Variants in ATXN7 observed in about 807,000 individuals in gnomAD.
The protein encoded by ATXN7 is ataxin 7, also known as ataxin-7.
In ATXN7, 12 loss-of-function variants were observed where a neutral mutation model predicts 70.5. That is an observed-to-expected ratio of 0.17 (90% CI 0.11 to 0.28). ATXN7 has a LOEUF of 0.28. Ranked by LOEUF, ATXN7 falls within the 10% of genes least tolerant of loss-of-function variation. The probability of loss-of-function intolerance (pLI) is 1.00; values close to 1 mark genes in which losing one functional copy is unlikely to be tolerated. For synonymous variants in ATXN7, 498 were observed against 448.7 expected, an observed-to-expected ratio of 1.11 and a Z score of -1.39; for missense variants, 1,256 against 1,131.7, an observed-to-expected ratio of 1.11 and a Z score of -1.58.
chr3:63,878,053 C>T (rs1702796741), intron 1 of ATXN7, among the ~76,000 whole-genome samples: 1 of 152,150 alleles, frequency 6.6e-6, no homozygotes, highest in Non-Finnish European at 1.5e-5. Context: ...AGATTTATCT[C>T]AGGATGAAAG....
In ATXN7 at chr3:64,000,320, G is replaced by A. The variant is rs571752248; in HGVS notation, c.*853G>A. On this transcript the variant is annotated 3_prime_UTR_variant, in exon 13 of 13. Transcript: ENST00000674280. ...AGTGAGGAAGTTAAAATCACTATAG[G>A]GAGAAAAAACTTTTTTCAAGATTTC... The A allele has an allele frequency of 6.6e-5, 10 of 152,060 alleles. No individual in the cohort carries two copies. Among genetic ancestry groups the A allele is most frequent in the African/African-American group, 2.4e-4 (10 of 41,336 alleles). 9.4% of individuals were successfully genotyped at this position (152,060 alleles called of 1,614,324 possible). A position where few individuals can be genotyped will look rare whatever the true frequency, so the allele number is the denominator to read the frequency against.
intron 1 of ATXN7, among the ~76,000 whole-genome samples, chr3:63,876,869 T>C (rs568784691): frequency 9.5e-4 from 144 of 152,358 alleles, no homozygotes; most frequent in African/African-American, 3.4e-3. Flanking sequence ...TATGATATCA[T>C]CTGCATGGCG....
chr3:63,988,933 C>T (rs1316058465), intron 9 of ATXN7, among the ~76,000 whole-genome samples: 1 of 152,130 alleles, frequency 6.6e-6, no homozygotes, highest in Non-Finnish European at 1.5e-5. Flanking sequence ...AAGACTGTAC[C>T]TAGTTTCCAG....
At chr3:63,998,800 A>G (rs1245873804) in intron 12 of ATXN7, 1 of 626,486 alleles carries the variant, frequency 1.6e-6, no homozygotes, top group Non-Finnish European at 2.0e-6. Flanking sequence ...TGCTGTTACA[A>G]AAGTAGGGAC....
At chr3:63,864,583 G>A (rs1398607923) in intron 1 of ATXN7, 2 of 152,210 alleles carry the variant, frequency 1.3e-5, no homozygotes, top group African/African-American at 2.4e-5. Context: ...GAAACTTGGC[G>A]ACCTCCCGGA....
chr3:63,986,863 A>G (rs987003126), intron 8 of ATXN7, among the ~76,000 whole-genome samples: 2 of 152,198 alleles, frequency 1.3e-5, no homozygotes, highest in Non-Finnish European at 2.9e-5. Context: ...ATGCCAATAC[A>G]TTTGTATTAT....
upstream of ATXN7, chr3:63,863,747 C>T: frequency 8.0e-7 from 1 of 1,249,874 alleles, no homozygotes; most frequent in Non-Finnish European, 1.0e-6. Context: ...GCAGCGGGCG[C>T]GTGTGGCGGC....
At chr3:63,909,359 A>C (rs549283691) in intron 2 of ATXN7, among the ~76,000 whole-genome samples, 53 of 152,320 alleles carry the variant, frequency 3.5e-4, no homozygotes, top group African/African-American at 1.2e-3. Flanking sequence ...TGGGCTCAGG[A>C]GTTTGAGACC....
At chr3:63,903,277 C>A (rs1234183868) in intron 2 of ATXN7, among the ~76,000 whole-genome samples, 1 of 151,706 alleles carries the variant, frequency 6.6e-6, no homozygotes, top group African/African-American at 2.4e-5. Flanking sequence ...GTCCCACCTA[C>A]CCCGGAGGCT....
At chr3:63,982,093 G>T in intron 6 of ATXN7, 93 bp from the exon 7 acceptor site, 1 of 1,556,686 alleles carries the variant, frequency 6.4e-7, no homozygotes, top group Non-Finnish European at 8.8e-7. Context: ...GCTTGGGTAG[G>T]CCCAGGCTCT....
intron 4 of ATXN7, among the ~76,000 whole-genome samples, chr3:63,947,921 G>A (rs1416961317): frequency 6.6e-6 from 1 of 152,146 alleles, no homozygotes; most frequent in Non-Finnish European, 1.5e-5. Flanking sequence ...TGGGGAACGA[G>A]GGAACAGAGG....
In ATXN7 at chr3:64,002,106, A is replaced by G. The variant is rs1390622837; in HGVS notation, c.*2639A>G. 6.6e-6 allele frequency: 1 copy of G among 152,482 alleles called. No individual in the cohort carries two copies. Among genetic ancestry groups the G allele is most frequent in the Non-Finnish European group, 1.5e-5 (1 of 68,026 alleles). 9.4% of individuals were successfully genotyped at this position (152,482 alleles called of 1,614,324 possible). ...CTTGTTCTATTATAAATATGGAAGTATCCCTATTTCAGAAGACATATTTTG... is the reference window on the plus strand; with the variant it reads ...CTTGTTCTATTATAAATATGGAAGTGTCCCTATTTCAGAAGACATATTTTG... On this transcript the variant is annotated 3_prime_UTR_variant, in exon 13 of 13. Coordinates refer to ENST00000674280, the MANE Select transcript of ATXN7 (RefSeq NM_001377405.1).
At chr3:63,967,591 C>G (rs947475200) in intron 5 of ATXN7, among the ~76,000 whole-genome samples, 6 of 152,052 alleles carry the variant, frequency 3.9e-5, no homozygotes, top group African/African-American at 1.4e-4. Context: ...AAAAAAAATT[C>G]ACAAAATATA....
At chr3:63,996,531 T>G (rs2075762992) in intron 12 of ATXN7, 48 bp downstream of exon 12, 3 of 1,571,242 alleles carry the variant, frequency 1.9e-6, no homozygotes, top group Non-Finnish European at 2.6e-6. Flanking sequence ...TTCTTCTCCC[T>G]TAAGATCTTT....
At chr3:63,920,465 T>C (rs1232033589) in intron 4 of ATXN7, among the ~76,000 whole-genome samples, 1 of 152,220 alleles carries the variant, frequency 6.6e-6, no homozygotes, top group Non-Finnish European at 1.5e-5. Context: ...GCTCACATGC[T>C]TAACCATTCT....
At chr3:63,988,894 G>C (rs2075620695) in intron 9 of ATXN7, among the ~76,000 whole-genome samples, 1 of 152,182 alleles carries the variant, frequency 6.6e-6, no homozygotes, top group Admixed American at 6.5e-5. Flanking sequence ...GTGTGTGTTT[G>C]TGCTTACATA....
chr3:63,887,084 G>C (rs1049396086), intron 1 of ATXN7, among the ~76,000 whole-genome samples: 1 of 152,184 alleles, frequency 6.6e-6, no homozygotes, highest in African/African-American at 2.4e-5. Context: ...CCATAGAAAG[G>C]AGCGAACAGG....
At chr3:63,903,798 A>G (rs1232297308) in intron 2 of ATXN7, 4 of 152,204 alleles carry the variant, frequency 2.6e-5, no homozygotes, top group African/African-American at 9.6e-5. Context: ...CTTCATCTCC[A>G]ACTCATGTTC....
At chr3:63,904,395 C>T (rs1339679092) in intron 2 of ATXN7, 4 of 152,334 alleles carry the variant, frequency 2.6e-5, no homozygotes, top group South Asian at 2.1e-4. Flanking sequence ...CAGGTTCAAG[C>T]GATTCTCCTG....
Sources: gnomAD v4.1 joint callset for allele counts (sites outside exome capture counted in the v4.1 genomes callset) on GRCh38, gnomAD v4.1.1 for gene constraint, MANE v1.5 for transcripts, NCBI Gene and HGNC (gene_info 2026-07-23, HGNC 2026-07-21) for gene names.